The following NTRK1 variants were observed in gnomAD, a reference collection of about 807,000 sequenced individuals.
The protein encoded by NTRK1 is neurotrophic receptor tyrosine kinase 1, also known as high affinity nerve growth factor receptor.
In NTRK1, 62 loss-of-function variants were observed where a neutral mutation model predicts 86.8. The ratio of observed to expected loss-of-function variants is 0.71; its 90% CI spans 0.58 to 0.88. NTRK1 has a LOEUF of 0.88. NTRK1 is among the 40% of genes least tolerant of loss of function. NTRK1 has a pLI of 0.00. For synonymous variants in NTRK1, 469 were observed against 456.6 expected, an observed-to-expected ratio of 1.03 and a Z score of -0.35; for missense variants, 967 against 1,078.4, an observed-to-expected ratio of 0.90 and a Z score of 1.45.
chr1:156,873,165 G>A (rs950990803), intron 7 of NTRK1, among the ~76,000 whole-genome samples: 8 of 151,924 alleles, frequency 5.3e-5, no homozygotes, highest in African/African-American at 1.9e-4. Context: ...TCCCACCTCA[G>A]CCCCCTGAGT....
intron 2 of NTRK1, among the ~76,000 whole-genome samples, chr1:156,850,910 C>A (rs1465633334): frequency 6.6e-6 from 1 of 152,144 alleles, no homozygotes; most frequent in Non-Finnish European, 1.5e-5. Flanking sequence ...CCTTGACTGG[C>A]AGATGATAGG....
At chr1:156,848,928 T>TGTA (rs1655105260) in intron 2 of NTRK1, 4 of 1,575,324 alleles carry the variant, frequency 2.5e-6, no homozygotes, top group African/African-American at 1.3e-5. Context: ...CACGACTCCT[T>TGTA]GTAGTACACG....
At chr1:156,851,355 A>G in intron 2 of NTRK1, 1 of 1,614,136 alleles carries the variant, frequency 6.2e-7, no homozygotes, top group Non-Finnish European at 8.5e-7. Context: ...ACACGAGGGC[A>G]AAGGAGTGCT....
intron 2 of NTRK1, among the ~76,000 whole-genome samples, chr1:156,855,623 G>A (rs991457579): frequency 6.6e-6 from 1 of 152,118 alleles, no homozygotes; most frequent in African/African-American, 2.4e-5. Flanking sequence ...AGGAATTCGA[G>A]ACCAGCCTGG....
At position 156,874,890 on chromosome 1, in the gene NTRK1, C is replaced by G. The variant is rs148478415; in HGVS notation, c.1252-16C>G. The G allele has an allele frequency of 1.9e-6, 3 of 1,586,248 alleles. No homozygotes were observed. The highest frequency in any genetic ancestry group is 2.6e-6 in the Non-Finnish European group (3 of 1,155,058). On this transcript the variant is annotated splice_polypyrimidine_tract_variant and intron_variant, in intron 10 of 16. Coordinates refer to ENST00000524377, the MANE Select transcript of NTRK1 (RefSeq NM_002529.4). ...AGGAGGAGCCCCTGGATCTAACTAC[C>G]CCTGTCCCCCACCAGGTCTCGGTGG...
chr1:156,845,588 G>T, intron 2 of NTRK1: 1 of 1,243,044 alleles, frequency 8.0e-7, no homozygotes, highest in South Asian at 1.4e-5. Flanking sequence ...CCACTCATCA[G>T]ACCCTCCCAG....
intron 1 of NTRK1, among the ~76,000 whole-genome samples, chr1:156,835,162 A>G (rs1654567884): frequency 6.6e-6 from 1 of 152,130 alleles, no homozygotes; most frequent in African/African-American, 2.4e-5. Flanking sequence ...GTTGCTAGGA[A>G]TCTCTGAGAA....
intron 1 of NTRK1, among the ~76,000 whole-genome samples, chr1:156,826,724 C>G (rs182426356): frequency 7.2e-5 from 11 of 152,314 alleles, no homozygotes; most frequent in Non-Finnish European, 1.5e-4. Flanking sequence ...TGCTTTGCAG[C>G]CTTTTAAACC....
Position 156,843,283 on chromosome 1 carries a change from C to G in NTRK1, c.50+1090C>G. ...AGCGAGGATGCTGCTCTCTGCCACA[C>G]CTCACCCCCCAACTTCTCTTCTCCT... On this transcript the variant is annotated intron_variant, in intron 2 of 16. Coordinates refer to the NTRK1 transcript ENST00000392302. 5.1e-6 allele frequency: 8 copies of G among 1,583,206 alleles called. 1 individual carries two copies. The highest frequency in any genetic ancestry group is 2.2e-5 in the South Asian group (2 of 90,438).
upstream of NTRK1, among the ~76,000 whole-genome samples, chr1:156,859,798 C>T (rs904893353): frequency 1.3e-5 from 2 of 152,150 alleles, no homozygotes; most frequent in Non-Finnish European, 2.9e-5. The surrounding 1 kb of genome is among the most constrained non-coding windows in gnomAD (Gnocchi z 6.2). Context: ...GTCCTTCCCC[C>T]GCTCCCTGGG....
chr1:156,843,587 C>G, intron 2 of NTRK1: 1 of 1,160,502 alleles, frequency 8.6e-7, no homozygotes, highest in Non-Finnish European at 1.3e-6. Context: ...TTACTGACCA[C>G]ACCCCCAGCC....
Position 156,878,995 on chromosome 1 carries a change from T to C in NTRK1, c.1806-127T>C, listed in dbSNP as rs1648083163. On this transcript the variant is annotated intron_variant, in intron 14 of 16. Transcript: ENST00000524377. Reference sequence around the variant, plus strand: ...CTCTGGACAGCTGCCTCTACTGTTCTCTCAATCCTCCACTTCCAGGTCCCC... The same window carrying C: ...CTCTGGACAGCTGCCTCTACTGTTCCCTCAATCCTCCACTTCCAGGTCCCC... 2.7e-6 allele frequency: 3 copies of C among 1,115,146 alleles called. No individual in the cohort carries two copies. The South Asian group carries it at 4.6e-5, about 17-fold the overall frequency. 69.1% of individuals were successfully genotyped at this position (1,115,146 alleles called of 1,614,324 possible).
At chr1:156,850,531 ATTCTTTTTTTTTTTTT>A (rs1482201248) in intron 2 of NTRK1, among the ~76,000 whole-genome samples, 2,347 of 97,020 alleles carry the variant, frequency 0.024, 28 homozygotes, top group Non-Finnish European at 0.036. Flanking sequence ...AATTTAAAAC[ATTCTTTTTTTTTTTTT>A]TTTTTTTTTT....
chr1:156,842,604 C>A, intron 2 of NTRK1: 1 of 853,564 alleles, frequency 1.2e-6, no homozygotes, highest in Non-Finnish European at 1.9e-6. Flanking sequence ...ACTCAGACAC[C>A]AAACCTGACC....
At chr1:156,858,460 G>C (rs993977729), upstream of NTRK1, 8 of 1,059,510 alleles carry the variant, frequency 7.6e-6, no homozygotes, top group East Asian at 1.4e-4. Context: ...AGGTGCTGTG[G>C]CTGCAAGCTC....
In NTRK1 at chr1:156,881,606, C is replaced by T. The variant is rs772156529; in HGVS notation, c.2355C>T (p.Ala785=). ...TGCACGCCCGGCTGCAAGCCCTGGCCCAGGCACCTCCTGTCTACCTGGATG... is the reference window on the plus strand; with the variant it reads ...TGCACGCCCGGCTGCAAGCCCTGGCTCAGGCACCTCCTGTCTACCTGGATG... The part of the protein sequence containing the change: ...KDVHARLQAL[A]QAPPVYLDVL... The change falls in exon 17 of 17, where the codon GCC becomes GCT. Residue 785 remains alanine, a synonymous_variant. Coordinates refer to ENST00000524377, the MANE Select transcript of NTRK1 (RefSeq NM_002529.4). 5.6e-6 allele frequency: 9 copies of T among 1,610,520 alleles called. No homozygotes were observed. The Admixed American group carries it at 1.3e-4, about 24-fold the overall frequency.
chr1:156,863,921 C>T (rs1655801887), intron 1 of NTRK1, among the ~76,000 whole-genome samples: 1 of 152,106 alleles, frequency 6.6e-6, no homozygotes. Context: ...TGTGTGTGTG[C>T]ACGTGAGAGA....
At chr1:156,866,633 C>A (rs562779188) in intron 3 of NTRK1, among the ~76,000 whole-genome samples, 3 of 152,228 alleles carry the variant, frequency 2.0e-5, no homozygotes. Flanking sequence ...GAGGGAGGAG[C>A]GGCTGTTCCC....
intron 16 of NTRK1, among the ~76,000 whole-genome samples, chr1:156,880,810 G>T (rs1019893118): frequency 2.6e-5 from 4 of 152,206 alleles, no homozygotes; most frequent in East Asian, 1.9e-4. Context: ...TAATAGGGAG[G>T]GGGGAAGAAG....
Sources: allele counts gnomAD v4.1 joint callset (sites outside exome capture counted in the v4.1 genomes callset), GRCh38; gene constraint gnomAD v4.1.1; non-coding constraint Gnocchi (gnomAD v3.1); transcripts MANE v1.5; gene names NCBI Gene and HGNC (gene_info 2026-07-23, HGNC 2026-07-21).